The following UGT2B15 variants were observed in gnomAD, a reference collection of about 807,000 sequenced individuals.
UGT2B15 encodes the protein UDP glucuronosyltransferase family 2 member B15, also known as UDP-glucuronosyltransferase 2B15.
Under a neutral mutation model 45.9 loss-of-function variants are expected in UGT2B15, and 36 were observed. The ratio of observed to expected loss-of-function variants is 0.78; its 90% confidence interval spans 0.60 to 1.04. The LOEUF (loss-of-function observed/expected upper bound fraction) is 1.04. UGT2B15 is among the 50% of genes least tolerant of loss of function. UGT2B15 has a pLI of 0.00. For synonymous variants in UGT2B15, 219 were observed against 216.4 expected (o/e 1.01, Z -0.11); for missense variants, 617 against 622.4 (o/e 0.99, Z 0.09).
Position 68,669,988 on chromosome 4 carries a change from T to A in UGT2B15, c.631A>T (p.Arg211Trp). The change falls in exon 1 of 6, where the codon AGG (arginine) becomes TGG (tryptophan). Residue 211 changes from arginine to tryptophan, a missense_variant. Arg to Trp is a moderately radical substitution (Grantham distance 101). Transcript: ENST00000338206. ...AGCATATGTATCATATTTTTTATCC[T>A]CTCCATGAAAATCATTTGATCACTT... ...ELSDQMIFME[R>W]IKNMIHMLYF... is the part of the protein sequence containing the mutation. 6.2e-7 allele frequency: 1 copy of A among 1,613,866 alleles called. No homozygotes were observed. Among genetic ancestry groups the A allele is most frequent in the Non-Finnish European group, 8.5e-7 (1 of 1,179,940 alleles).
chr4:68,647,295 C>G lies in UGT2B15; in HGVS notation c.1402G>C (p.Val468Leu). 1.2e-6 allele frequency: 2 copies of G among 1,613,930 alleles called. No homozygotes were observed. Among genetic ancestry groups the G allele is most frequent in the Non-Finnish European group, 1.7e-6 (2 of 1,179,894 alleles). Reference sequence around the variant, plus strand: ...TGCTTGGCTCCTTTGTGGCGCATGACAAACTCAATCCAGAAGACTGCTCGA... The same window carrying G: ...TGCTTGGCTCCTTTGTGGCGCATGAGAAACTCAATCCAGAAGACTGCTCGA... ...LDRAVFWIEF[V>L]MRHKGAKHLR... Residue 468 changes from valine to leucine, a missense_variant, in exon 6 of 6, where the codon GTC becomes CTC. Physicochemically the swap from Val to Leu is conservative, Grantham distance 32 (BLOSUM62 1). Around this residue, in one of 3 missense-constraint regions of UGT2B15, gnomAD observed 265 missense variants for 245.1 expected, o/e 1.08. Coordinates refer to ENST00000338206, the MANE Select transcript of UGT2B15 (RefSeq NM_001076.4).
intron 3 of UGT2B15, among the ~76,000 whole-genome samples, chr4:68,660,304 G>C (rs1732926000): frequency 6.6e-6 from 1 of 150,420 alleles, no homozygotes; most frequent in South Asian, 2.1e-4. Context: ...ACTGTGTTAA[G>C]CAAAGAATGT....
rs1228750848 is a variant in UGT2B15 at position 68,654,036 on chromosome 4, C to T, written c.1313+1G>A. 4.3e-6 allele frequency: 7 copies of T among 1,612,774 alleles called. No homozygotes were observed. The highest frequency in any genetic ancestry group is 5.1e-6 in the Non-Finnish European group (6 of 1,179,062). On this transcript the variant is annotated splice_donor_variant, in intron 5 of 5. Transcript: ENST00000338206. LOFTEE classifies it high-confidence loss of function. ...CCTGGTCACAAAACTGTAATACTCA[C>T]ACAGGGTCATTAATGACTGACTTCA... is the stretch of plus-strand genomic sequence containing the variant.
chr4:68,658,646 C>T (rs1408950811), intron 3 of UGT2B15, among the ~76,000 whole-genome samples: 4 of 152,018 alleles, frequency 2.6e-5, no homozygotes, highest in Admixed American at 6.6e-5. Flanking sequence ...ATTATCATAA[C>T]TTCTAACCCT....
chr4:68,663,376 G>A (rs35015647), intron 2 of UGT2B15, among the ~76,000 whole-genome samples: 14 of 151,976 alleles, frequency 9.2e-5, no homozygotes, highest in African/African-American at 2.4e-4. Context: ...TGTGTAAGGA[G>A]GAAATGAAAC....
chr4:68,655,117 C>T lies in UGT2B15; in HGVS notation c.1071G>A (p.Trp357Ter), dbSNP rs747693045. ...TLGSNTRLYK[W>*]LPQNDLLGHP... ...TACCAAGAAGGTCATTCTGGGGTAA[C>T]CACTTGTACAGTCGAGTATTGGAAC... Residue 357 changes from tryptophan (W) to a stop codon, truncating the protein, a stop_gained, in exon 4 of 6, where the codon TGG becomes TGA. Transcript: ENST00000338206. LOFTEE classifies it high-confidence loss of function. 1.9e-5 allele frequency: 30 copies of T among 1,613,170 alleles called. No individual in the cohort carries two copies. The highest frequency in any genetic ancestry group is 5.0e-5 in the Admixed American group (3 of 59,928).
intron 5 of UGT2B15, among the ~76,000 whole-genome samples, chr4:68,653,264 G>A (rs1217752079): frequency 6.6e-6 from 1 of 151,760 alleles, no homozygotes; most frequent in South Asian, 2.1e-4. Context: ...CTGATAAATG[G>A]GTAATTTTGG....
At chr4:68,669,256 G>A (rs1303389316) in intron 1 of UGT2B15, among the ~76,000 whole-genome samples, 1 of 152,074 alleles carries the variant, frequency 6.6e-6, no homozygotes, top group Non-Finnish European at 1.5e-5. Context: ...GAGAGATGCA[G>A]TTTAATAAAA....
intron 3 of UGT2B15, among the ~76,000 whole-genome samples, chr4:68,657,983 C>G (rs1732859769): frequency 6.6e-6 from 1 of 151,986 alleles, no homozygotes; most frequent in Non-Finnish European, 1.5e-5. Flanking sequence ...AATTTTTTGT[C>G]TCTGTACCTT....
chr4:68,647,610 G>A (rs183998636), intron 5 of UGT2B15, among the ~76,000 whole-genome samples: 47 of 152,000 alleles, frequency 3.1e-4, no homozygotes, highest in Admixed American at 9.2e-4. Flanking sequence ...TGGAATTTTC[G>A]GTGGGAAAGT....
At chr4:68,661,511 T>G (rs1732966054) in intron 3 of UGT2B15, among the ~76,000 whole-genome samples, 1 of 152,020 alleles carries the variant, frequency 6.6e-6, no homozygotes, top group South Asian at 2.1e-4. Context: ...AGCTGTAACC[T>G]TCCAAATTTA....
chr4:68,647,444 G>C, intron 5 of UGT2B15, 61 bp from the exon 6 acceptor site: 1 of 1,508,776 alleles, frequency 6.6e-7, no homozygotes, highest in Non-Finnish European at 8.9e-7. Context: ...AGCATATCAA[G>C]TCTATGGATG....
chr4:68,655,084 C>T lies in UGT2B15; in HGVS notation c.1093+11G>A, dbSNP rs770120646. On this transcript the variant is annotated intron_variant, in intron 4 of 5. Transcript: ENST00000338206. ...ACTAATATATTCACTGTTTGTTCTC[C>T]AGAATCTTACCAAGAAGGTCATTCT... 6.2e-7 allele frequency: 1 copy of T among 1,611,906 alleles called. No homozygotes were observed.
intron 2 of UGT2B15, among the ~76,000 whole-genome samples, chr4:68,667,322 AG>A (rs1165529120): frequency 5.9e-5 from 9 of 151,882 alleles, no homozygotes; most frequent in African/African-American, 2.2e-4. Context: ...GGCACACACC[AG>A]CATGCCTGGC....
intron 1 of UGT2B15, among the ~76,000 whole-genome samples, chr4:68,668,665 A>G (rs1383284421): frequency 1.3e-4 from 17 of 131,332 alleles, no homozygotes; most frequent in Admixed American, 1.1e-3. Context: ...TAGTTTTATA[A>G]GTGTCTAGTA....
chr4:68,668,280 A>C, intron 1 of UGT2B15, 92 bp from the exon 2 acceptor site: 1 of 1,544,388 alleles, frequency 6.5e-7, no homozygotes, highest in South Asian at 1.2e-5. Flanking sequence ...ACTTGGAATA[A>C]CATACCCAAA....
At chr4:68,659,587 T>C (rs1479601856) in intron 3 of UGT2B15, among the ~76,000 whole-genome samples, 2 of 151,984 alleles carry the variant, frequency 1.3e-5, no homozygotes, top group African/African-American at 4.8e-5. Context: ...TGTTAAGTTA[T>C]TGTGTGCCAC....
At chr4:68,663,198 C>T in intron 2 of UGT2B15, 59 bp from the exon 3 acceptor site, 5 of 1,558,452 alleles carry the variant, frequency 3.2e-6, no homozygotes, top group South Asian at 1.1e-5. Context: ...ACACTATTGA[C>T]AGGATTGTTA....
intron 3 of UGT2B15, among the ~76,000 whole-genome samples, chr4:68,657,571 C>T (rs1005382042): frequency 6.6e-5 from 10 of 151,976 alleles, no homozygotes; most frequent in African/African-American, 2.2e-4. Context: ...AAGAATGACC[C>T]CCTGATATCA....
Sources: gnomAD v4.1 joint callset for allele counts (sites outside exome capture counted in the v4.1 genomes callset) on GRCh38, gnomAD v4.1.1 for gene constraint, gnomAD v4.1.1 regional missense constraint, MANE v1.5 for transcripts, NCBI Gene and HGNC (gene_info 2026-07-23, HGNC 2026-07-21) for gene names.